TBC1D9: variants seen among roughly 807,000 people sequenced by gnomAD.
TBC1D9 encodes the protein TBC1 domain family member 9.
TBC1D9 carries 63 observed loss-of-function variants against 132.0 expected under a neutral mutation model. The ratio of observed to expected loss-of-function variants is 0.48; its 90% CI spans 0.39 to 0.59. The LOEUF (loss-of-function observed/expected upper bound fraction) is 0.59. Ranked by LOEUF, TBC1D9 falls within the 20% of genes least tolerant of loss-of-function variation. TBC1D9 has a pLI of 0.00. For missense variants in TBC1D9, 1,261 were observed against 1,592.7 expected (o/e 0.79, Z 3.54); for synonymous variants, 610 against 609.9 (o/e 1.00, Z 0.00).
intron 2 of TBC1D9, among the ~76,000 whole-genome samples, chr4:140,687,511 A>C (rs1479832234): frequency 6.6e-6 from 1 of 151,140 alleles, no homozygotes; most frequent in African/African-American, 2.4e-5. Context: ...GATTTCTTTA[A>C]AGTGTCTTTT....
In TBC1D9 at chr4:140,657,079, C is replaced by A. The variant is rs1405007758; in HGVS notation, c.2337+18G>T. The A allele has an allele frequency of 6.2e-7, 1 of 1,611,840 alleles. No homozygotes were observed. The highest frequency in any genetic ancestry group is 1.3e-5 in the African/African-American group (1 of 74,880). The stretch of plus-strand genomic sequence containing the variant: ...GAATGCATGGTTAAGCCCTGCTCAG[C>A]CAGGAGACAAGACCTACCTCGTAGG... On this transcript the variant is annotated intron_variant, in intron 13 of 20. Coordinates refer to ENST00000442267, the MANE Select transcript of TBC1D9 (RefSeq NM_015130.3).
In TBC1D9 at chr4:140,674,529, T is replaced by G. The variant is rs117190057; in HGVS notation, c.1059+2365A>C. Reference sequence around the variant, plus strand: ...ATAAACTGCAGGATTTAAAATTTAATTGTGATATGAATGTGATGGTGTATG... The same window carrying G: ...ATAAACTGCAGGATTTAAAATTTAAGTGTGATATGAATGTGATGGTGTATG... On this transcript the variant is annotated intron_variant, in intron 6 of 20. Transcript: ENST00000442267. Among the ~76,000 whole-genome samples the G allele has an allele frequency of 1.9e-3, 288 of 152,056 alleles. 2 individuals carry two copies. The East Asian group carries it at 0.024, about 13-fold the overall frequency.
At chr4:140,626,489 G>T (rs759697389) in intron 18 of TBC1D9, among the ~76,000 whole-genome samples, 4 of 152,140 alleles carry the variant, frequency 2.6e-5, no homozygotes, top group Admixed American at 2.6e-4. Context: ...TCTTGGTGCA[G>T]GTCTCTGTTG....
At chr4:140,709,810 T>C (rs1738210778) in intron 1 of TBC1D9, among the ~76,000 whole-genome samples, 1 of 152,188 alleles carries the variant, frequency 6.6e-6, no homozygotes. Context: ...GCTTGCAACC[T>C]AGATCCCTTG....
chr4:140,719,645 G>A (rs1738392872), intron 1 of TBC1D9, among the ~76,000 whole-genome samples: 1 of 152,174 alleles, frequency 6.6e-6, no homozygotes, highest in Non-Finnish European at 1.5e-5. Context: ...AAGCTTTGCT[G>A]GGCACTAGAA....
At chr4:140,642,612 TC>T in intron 13 of TBC1D9, 1 of 848,882 alleles carries the variant, frequency 1.2e-6, no homozygotes, top group Non-Finnish European at 1.9e-6. Flanking sequence ...TTCTTAATCT[TC>T]AGCTGACTTA....
intron 13 of TBC1D9, among the ~76,000 whole-genome samples, chr4:140,651,976 A>T (rs13108378): frequency 0.76 from 115,113 of 152,114 alleles, 43,799 homozygotes; most frequent in African/African-American, 0.85. Flanking sequence ...CGGTGGCTTA[A>T]GCCTGTAATC....
chr4:140,723,400 C>G (rs1738452694), intron 1 of TBC1D9, among the ~76,000 whole-genome samples: 1 of 152,202 alleles, frequency 6.6e-6, no homozygotes, highest in African/African-American at 2.4e-5. Context: ...ATGGCGTCAT[C>G]TGGGCTCACT....
At chr4:140,654,665 C>T (rs1189491713) in intron 13 of TBC1D9, among the ~76,000 whole-genome samples, 7 of 152,018 alleles carry the variant, frequency 4.6e-5, no homozygotes, top group Admixed American at 2.6e-4. Context: ...AGTCCTGGGG[C>T]GATGACTTTT....
At chr4:140,638,391 G>A (rs1247211804) in intron 15 of TBC1D9, among the ~76,000 whole-genome samples, 1 of 151,482 alleles carries the variant, frequency 6.6e-6, no homozygotes, top group African/African-American at 2.4e-5. Flanking sequence ...ATCAAGATTG[G>A]GGCCAGGTGT....
intron 1 of TBC1D9, among the ~76,000 whole-genome samples, chr4:140,730,483 T>C (rs779570598): frequency 6.6e-6 from 1 of 152,132 alleles, no homozygotes; most frequent in Non-Finnish European, 1.5e-5. Context: ...TCCTAGCACT[T>C]TGGGAGGCCG....
intron 13 of TBC1D9, among the ~76,000 whole-genome samples, chr4:140,649,743 C>A (rs1346849): frequency 0.46 from 70,071 of 151,762 alleles, 16,366 homozygotes; most frequent in Middle Eastern, 0.53. Flanking sequence ...GTGAGGGGGG[C>A]AGAGGAGGCA....
intron 9 of TBC1D9, among the ~76,000 whole-genome samples, chr4:140,667,285 T>C (rs1417295318): frequency 1.3e-5 from 2 of 152,150 alleles, no homozygotes; most frequent in Admixed American, 6.5e-5. Context: ...AAGGAAACAC[T>C]GGGTCTAACT....
At chr4:140,643,225 C>T in intron 13 of TBC1D9, 2 of 1,341,974 alleles carry the variant, frequency 1.5e-6, no homozygotes, top group South Asian at 1.3e-5. Context: ...GCACCTCCCA[C>T]CTTCTTGCTC....
intron 1 of TBC1D9, among the ~76,000 whole-genome samples, chr4:140,729,109 C>G (rs1738546452): frequency 6.6e-6 from 1 of 152,170 alleles, no homozygotes. Flanking sequence ...GATTTTCCCT[C>G]TGTCATGCAG....
rs1739007198 is a variant in TBC1D9 at position 140,755,968 on chromosome 4, C to A, written c.78G>T (p.Leu26=). 1.3e-5 allele frequency: 21 copies of A among 1,605,920 alleles called. No individual in the cohort carries two copies. The highest frequency in any genetic ancestry group is 1.8e-5 in the Non-Finnish European group (21 of 1,176,638). Residue 26 remains leucine (L), a synonymous_variant, in exon 1 of 21, where the codon CTG becomes CTT. Coordinates refer to ENST00000442267, the MANE Select transcript of TBC1D9 (RefSeq NM_015130.3). The part of the protein sequence containing the change: ...ITERANPYFI[L]QRRKGHAGDG... The stretch of plus-strand genomic sequence containing the variant: ...CGCCGGCGTGGCCCTTCCTCCGCTG[C>A]AGGATGAAGTATGGGTTGGCCCTCT...
At chr4:140,705,460 G>T (rs1415427464) in intron 1 of TBC1D9, among the ~76,000 whole-genome samples, 1 of 152,060 alleles carries the variant, frequency 6.6e-6, no homozygotes, top group African/African-American at 2.4e-5. Flanking sequence ...TTGGAGTCCA[G>T]TAAGCACTAA....
rs78512575 is a variant in TBC1D9 at position 140,686,098 on chromosome 4, A to G, written c.360+246T>C. On this transcript the variant is annotated intron_variant, in intron 3 of 20. Coordinates refer to ENST00000442267, the MANE Select transcript of TBC1D9 (RefSeq NM_015130.3). ...TAAAAAACACTCACATGTACCCCAG[A>G]AATATGTAAAATATCATGTTATCAA... is the stretch of plus-strand genomic sequence containing the variant. 6.2e-4 allele frequency among the ~76,000 whole-genome samples: 95 copies of G among 152,306 alleles called. No homozygotes were observed. The East Asian group carries it at 0.016, about 25-fold the overall frequency.
At chr4:140,711,209 T>C (rs1738237999) in intron 1 of TBC1D9, among the ~76,000 whole-genome samples, 1 of 152,252 alleles carries the variant, frequency 6.6e-6, no homozygotes, top group Non-Finnish European at 1.5e-5. Context: ...GCTATTGTCT[T>C]AGATTTACAG....
Sources: gnomAD v4.1 joint callset for allele counts (sites outside exome capture counted in the v4.1 genomes callset) on GRCh38, gnomAD v4.1.1 for gene constraint, MANE v1.5 for transcripts, NCBI Gene and HGNC (gene_info 2026-07-23, HGNC 2026-07-21) for gene names.